The following KCNQ1 variants were observed in gnomAD, a reference collection of about 807,000 sequenced individuals.
KCNQ1 encodes the protein potassium voltage-gated channel subfamily Q member 1.
A neutral mutation model predicts 72.4 loss-of-function variants in KCNQ1; 49 were observed. That is an observed-to-expected ratio of 0.68 (90% CI 0.54 to 0.86). The LOEUF (loss-of-function observed/expected upper bound fraction) is 0.86. Among genes scored for constraint, KCNQ1 ranks in the 40% least tolerant of loss-of-function variants. KCNQ1 has a pLI of 0.00. For synonymous variants in KCNQ1, 450 were observed against 412.6 expected (o/e 1.09, Z -1.10); for missense variants, 790 against 945.1 (o/e 0.84, Z 2.15).
chr11:2,686,398 G>A (rs774840854), intron 11 of KCNQ1: 2 of 398,526 alleles, frequency 5.0e-6, no homozygotes, highest in Non-Finnish European at 8.8e-6. Context: ...CCCAACCCCT[G>A]ACTAGGATAT....
At chr11:2,532,125 T>C (rs761542105) in intron 2 of KCNQ1, among the ~76,000 whole-genome samples, 2 of 152,160 alleles carry the variant, frequency 1.3e-5, no homozygotes, top group Non-Finnish European at 2.9e-5. Flanking sequence ...GGCACTATCC[T>C]GCACACCATC....
intron 11 of KCNQ1, among the ~76,000 whole-genome samples, chr11:2,700,264 C>T (rs1440799992): frequency 1.3e-5 from 2 of 152,124 alleles, no homozygotes; most frequent in Non-Finnish European, 2.9e-5. Flanking sequence ...CTCCCTGCCC[C>T]CACCCGTCGT....
rs1436545491 is a variant in KCNQ1, at chr11:2,772,984, C to T, written c.1591-2976C>T. Among the ~76,000 whole-genome samples, 4 of 152,220 alleles carry T rather than the reference C, an allele frequency of 2.6e-5. No individual in the cohort carries two copies. The highest frequency in any genetic ancestry group is 2.1e-4 in the South Asian group (1 of 4,832). On this transcript the variant is annotated intron_variant, in intron 12 of 15. Transcript: ENST00000155840. This position sits in a 1 kb window ranked among gnomAD's most constrained non-coding sequence, Gnocchi z 6.6. Reference sequence around the variant, plus strand: ...TTCAATGTGTTCTGAAGAGAGGCTTCGGCCACAGCTGGCTGTGACTCTGGC... The same window carrying T: ...TTCAATGTGTTCTGAAGAGAGGCTTTGGCCACAGCTGGCTGTGACTCTGGC...
intron 15 of KCNQ1, among the ~76,000 whole-genome samples, chr11:2,819,987 C>T (rs163179): frequency 1.1e-3 from 166 of 152,310 alleles, no homozygotes; most frequent in African/African-American, 3.8e-3. Context: ...TGTTACTTTA[C>T]TTGCTTAAGG....
chr11:2,832,097 A>G (rs1435613248), intron 15 of KCNQ1, among the ~76,000 whole-genome samples: 1 of 151,880 alleles, frequency 6.6e-6, no homozygotes, highest in East Asian at 2.0e-4. Context: ...GACTACCCCC[A>G]GCCTTCCTGA....
chr11:2,726,585 G>A (rs1049189897), intron 11 of KCNQ1, among the ~76,000 whole-genome samples: 1 of 152,240 alleles, frequency 6.6e-6, no homozygotes, highest in Non-Finnish European at 1.5e-5. Flanking sequence ...GGGACACTGG[G>A]TGGGACCCCG....
chr11:2,702,377 C>G (rs1850830549), intron 11 of KCNQ1, among the ~76,000 whole-genome samples: 1 of 152,182 alleles, frequency 6.6e-6, no homozygotes, highest in African/African-American at 2.4e-5. Context: ...TTGTTGTGTT[C>G]TCCAAGGATG....
intron 15 of KCNQ1, among the ~76,000 whole-genome samples, chr11:2,843,027 C>T (rs562542384): frequency 2.1e-4 from 32 of 152,360 alleles, no homozygotes; most frequent in Admixed American, 1.4e-3. Flanking sequence ...TGCACGCTCC[C>T]GTGAGGAGGT....
intron 15 of KCNQ1, among the ~76,000 whole-genome samples, chr11:2,836,143 T>G (rs1848062703): frequency 6.6e-6 from 1 of 151,428 alleles, no homozygotes; most frequent in Non-Finnish European, 1.5e-5. Context: ...GGTGGAAGAG[T>G]TGAAAGCAGC....
intron 15 of KCNQ1, among the ~76,000 whole-genome samples, chr11:2,801,573 G>T (rs891105339): frequency 3.3e-5 from 5 of 152,180 alleles, no homozygotes; most frequent in Admixed American, 6.5e-5. Flanking sequence ...GAGTCCTATG[G>T]GACCAAGGCC....
rs1202918208 is a variant in KCNQ1 at position 2,782,263 on chromosome 11, G to A, written c.1794+4226G>A. Among the ~76,000 whole-genome samples the A allele has an allele frequency of 2.6e-5, 4 of 151,986 alleles. No individual in the cohort carries two copies. The highest frequency in any genetic ancestry group is 4.8e-5 in the African/African-American group (2 of 41,352). Reference sequence around the variant, plus strand: ...GGATTATTTTTCCAGCCATATATGCGGTCTCCGGCCTCTCCTCACACCCAC... The same window carrying A: ...GGATTATTTTTCCAGCCATATATGCAGTCTCCGGCCTCTCCTCACACCCAC... On this transcript the variant is annotated intron_variant, in intron 15 of 15. Coordinates refer to ENST00000155840, the MANE Select transcript of KCNQ1 (RefSeq NM_000218.3). The surrounding 1 kb of genome is among the most constrained non-coding windows in gnomAD (Gnocchi z 6.1).
intron 15 of KCNQ1, among the ~76,000 whole-genome samples, chr11:2,795,124 C>T (rs1192140224): frequency 7.9e-5 from 12 of 152,350 alleles, no homozygotes; most frequent in Admixed American, 7.2e-4. Flanking sequence ...CCACAGCAGC[C>T]AAGAAGCCAG....
Position 2,657,283 on chromosome 11 carries a change from G to C in KCNQ1, c.1394-4678G>C. ...GCCTTGAGATTTTTATTAAGATTTG[G>C]AGAGATTTATTCAGATTTTGAGATA... On this transcript the variant is annotated intron_variant, in intron 10 of 15. Transcript: ENST00000155840. This position sits in a 1 kb window ranked among gnomAD's most constrained non-coding sequence, Gnocchi z 4.8. The C allele has an allele frequency of 2.5e-6, 1 of 398,590 alleles. No individual in the cohort carries two copies. Among genetic ancestry groups the C allele is most frequent in the East Asian group, 3.6e-5 (1 of 28,078 alleles). 24.7% of individuals were successfully genotyped at this position (398,590 alleles called of 1,614,324 possible). A position where few individuals can be genotyped will look rare whatever the true frequency, so the allele number is the denominator to read the frequency against.
At chr11:2,763,899 C>A (rs1057254173) in intron 11 of KCNQ1, among the ~76,000 whole-genome samples, 1 of 151,620 alleles carries the variant, frequency 6.6e-6, no homozygotes, top group Non-Finnish European at 1.5e-5. Context: ...TTAAAACCGG[C>A]GTTCTTGTTA....
chr11:2,707,818 C>A (rs542684251), intron 11 of KCNQ1, among the ~76,000 whole-genome samples: 2 of 152,252 alleles, frequency 1.3e-5, no homozygotes, highest in Non-Finnish European at 1.5e-5. Flanking sequence ...ATCCCTCCCC[C>A]TCTGCCACAC....
chr11:2,641,129 G>A (rs1243831841), intron 10 of KCNQ1: 3 of 398,244 alleles, frequency 7.5e-6, no homozygotes, highest in African/African-American at 4.1e-5. Context: ...CAATAAACAC[G>A]GGGATGCAGG....
Position 2,661,772 on chromosome 11 carries a change from C to A in KCNQ1, c.1394-189C>A. On this transcript the variant is annotated intron_variant, in intron 10 of 15. Coordinates refer to ENST00000155840, the MANE Select transcript of KCNQ1 (RefSeq NM_000218.3). The surrounding 1 kb of genome is among the most constrained non-coding windows in gnomAD (Gnocchi z 5.9). Reference sequence around the variant, plus strand: ...TTATTCTCCTCAGACACTGAGGTGTCAGGCACTTTGGGGCCATCTTAAACA... The same window carrying A: ...TTATTCTCCTCAGACACTGAGGTGTAAGGCACTTTGGGGCCATCTTAAACA... 1 of 665,120 alleles carries A rather than the reference C, an allele frequency of 1.5e-6. No individual in the cohort carries two copies. The highest frequency in any genetic ancestry group is 1.7e-5 in the South Asian group (1 of 57,942). 41.2% of individuals were successfully genotyped at this position (665,120 alleles called of 1,614,324 possible). A position where few individuals can be genotyped will look rare whatever the true frequency, so the allele number is the denominator to read the frequency against.
chr11:2,693,777 C>T (rs933788783), intron 11 of KCNQ1: 9 of 398,462 alleles, frequency 2.3e-5, no homozygotes, highest in Non-Finnish European at 3.5e-5. Context: ...ATGCTGGGGC[C>T]GGCCAGTTCA....
chr11:2,765,371 T>C (rs1846478208), intron 11 of KCNQ1, among the ~76,000 whole-genome samples: 2 of 152,252 alleles, frequency 1.3e-5, no homozygotes, highest in Admixed American at 1.3e-4. Context: ...AAATATGATT[T>C]GCCTGCTTTG....
Sources: gnomAD v4.1 joint callset for allele counts (sites outside exome capture counted in the v4.1 genomes callset) on GRCh38, gnomAD v4.1.1 for gene constraint, Gnocchi (gnomAD v3.1) non-coding constraint, MANE v1.5 for transcripts, NCBI Gene and HGNC (gene_info 2026-07-23, HGNC 2026-07-21) for gene names.